Variants in WWOX observed in about 807,000 individuals in gnomAD.
WWOX encodes WW domain containing oxidoreductase.
A neutral mutation model predicts 46.2 loss-of-function variants in WWOX; 69 were observed. The ratio of observed to expected loss-of-function variants is 1.49; its 90% confidence interval spans 1.23 to 1.82. The LOEUF (loss-of-function observed/expected upper bound fraction) is 1.82. Ranked by LOEUF, WWOX falls within the 40% of genes most tolerant of loss-of-function variation. The pLI is 0.00. For synonymous variants in WWOX, 359 were observed against 202.6 expected, an observed-to-expected ratio of 1.77 and a Z score of -6.56; for missense variants, 919 against 542.6, an observed-to-expected ratio of 1.69 and a Z score of -6.89.
intron 8 of WWOX, among the ~76,000 whole-genome samples, chr16:79,154,213 A>G (rs1391497834): frequency 6.6e-6 from 1 of 152,230 alleles, no homozygotes; most frequent in Non-Finnish European, 1.5e-5. Context: ...CTTTTAATTT[A>G]GTCTAGTGCA....
At chr16:78,494,784 G>A (rs1216692381) in intron 8 of WWOX, among the ~76,000 whole-genome samples, 1 of 152,156 alleles carries the variant, frequency 6.6e-6, no homozygotes, top group Non-Finnish European at 1.5e-5. Flanking sequence ...CATCTTTATG[G>A]TATGGCTTTT....
chr16:78,836,796 C>G (rs1321469391), intron 8 of WWOX, among the ~76,000 whole-genome samples: 1 of 152,130 alleles, frequency 6.6e-6, no homozygotes, highest in Non-Finnish European at 1.5e-5. Flanking sequence ...ATTCTATACA[C>G]CAAAAGCCCC....
chr16:78,337,612 C>T lies in WWOX; in HGVS notation c.517-49248C>T, dbSNP rs192321812. On this transcript the variant is annotated intron_variant, in intron 5 of 8. Coordinates refer to ENST00000566780, the MANE Select transcript of WWOX (RefSeq NM_016373.4). The stretch of plus-strand genomic sequence containing the variant: ...GTGAAACCATTCCAATTTCATACAG[C>T]GTAGTTTCACGCCTCTAAAAGTCCC... 7.9e-5 allele frequency among the ~76,000 whole-genome samples: 12 copies of T among 152,188 alleles called. No homozygotes were observed. In the East Asian group the frequency reaches 9.7e-4, roughly 12 times the overall value.
intron 7 of WWOX, among the ~76,000 whole-genome samples, chr16:78,430,078 T>G (rs189305703): frequency 3.6e-4 from 55 of 152,202 alleles, no homozygotes; most frequent in African/African-American, 1.3e-3. Flanking sequence ...GGGCTCACAG[T>G]TACACATGGC....
rs186952684 is a variant in WWOX at position 78,935,317 on chromosome 16, C to A, written c.1057-276291C>A. 9.5e-4 allele frequency among the ~76,000 whole-genome samples: 144 copies of A among 152,112 alleles called. 1 individual carries two copies. The highest frequency in any genetic ancestry group is 1.8e-3 in the Non-Finnish European group (123 of 68,014). On this transcript the variant is annotated intron_variant, in intron 8 of 8. Transcript: ENST00000566780. ...GACACATGCACATGTATGTTTATTG[C>A]GGCACTATTCACAATAGCAAAGACT... is the stretch of plus-strand genomic sequence containing the variant.
chr16:79,204,749 T>C (rs934011431), intron 8 of WWOX: 2 of 152,216 alleles, frequency 1.3e-5, no homozygotes, highest in Non-Finnish European at 2.9e-5. Flanking sequence ...AACATGGCTT[T>C]GGACGCCTTT....
chr16:78,115,187 A>G (rs2032717702), intron 4 of WWOX, 33 bp downstream of exon 4: 1 of 1,613,108 alleles, frequency 6.2e-7, no homozygotes, highest in Non-Finnish European at 8.5e-7. Flanking sequence ...TATCTTTGGG[A>G]CTGCTATAAT....
intron 5 of WWOX, among the ~76,000 whole-genome samples, chr16:78,253,052 G>A (rs1039226325): frequency 1.3e-5 from 2 of 152,060 alleles, no homozygotes; most frequent in Non-Finnish European, 2.9e-5. Flanking sequence ...TGTTTAGATC[G>A]GAACAATTGT....
intron 8 of WWOX, among the ~76,000 whole-genome samples, chr16:78,851,187 C>T (rs181362315): frequency 6.6e-6 from 1 of 152,270 alleles, no homozygotes; most frequent in Admixed American, 6.5e-5. Context: ...TTTGTGAGCC[C>T]ACTAAGAGTA....
intron 5 of WWOX, among the ~76,000 whole-genome samples, chr16:78,199,071 T>G (rs554362394): frequency 6.6e-6 from 1 of 152,218 alleles, no homozygotes; most frequent in African/African-American, 2.4e-5. Context: ...CATCCCACTT[T>G]GGGAGGCTGA....
intron 8 of WWOX, among the ~76,000 whole-genome samples, chr16:78,947,446 A>G (rs1290365161): frequency 6.6e-6 from 1 of 152,150 alleles, no homozygotes; most frequent in Non-Finnish European, 1.5e-5. Flanking sequence ...AACTGAGATG[A>G]AAGGAGTGAG....
chr16:78,112,774 G>A (rs373463739), intron 3 of WWOX, among the ~76,000 whole-genome samples: 14 of 148,170 alleles, frequency 9.4e-5, no homozygotes, highest in South Asian at 2.1e-4. Flanking sequence ...GTCACAGCTC[G>A]CTGCAGCCTC....
intron 5 of WWOX, among the ~76,000 whole-genome samples, chr16:78,278,121 T>C (rs777650309): frequency 2.6e-5 from 4 of 152,316 alleles, no homozygotes; most frequent in Non-Finnish European, 4.4e-5. Flanking sequence ...CAGGATCTCA[T>C]TGGCGGTTTG....
chr16:79,029,071 C>G (rs1420342779), intron 8 of WWOX, among the ~76,000 whole-genome samples: 1 of 148,944 alleles, frequency 6.7e-6, no homozygotes, highest in African/African-American at 2.6e-5. Flanking sequence ...AACATGTTTT[C>G]TCAATGGTCC....
At chr16:78,358,830 C>T (rs1597094584) in intron 5 of WWOX, among the ~76,000 whole-genome samples, 1 of 141,104 alleles carries the variant, frequency 7.1e-6, no homozygotes, top group African/African-American at 2.6e-5. Context: ...TTTTAAAATT[C>T]AAATATATTT....
chr16:78,830,348 C>T (rs2051784277), intron 8 of WWOX, among the ~76,000 whole-genome samples: 1 of 152,042 alleles, frequency 6.6e-6, no homozygotes, highest in African/African-American at 2.4e-5. Flanking sequence ...TACATATTAT[C>T]ATAATGCCTA....
intron 8 of WWOX, among the ~76,000 whole-genome samples, chr16:78,912,948 G>T (rs1486260460): frequency 6.6e-6 from 1 of 152,008 alleles, no homozygotes; most frequent in African/African-American, 2.4e-5. Flanking sequence ...GGGTCGAACG[G>T]TCCATTCTGA....
At chr16:79,156,121 A>G (rs553014822) in intron 8 of WWOX, among the ~76,000 whole-genome samples, 6 of 152,254 alleles carry the variant, frequency 3.9e-5, no homozygotes, top group African/African-American at 1.4e-4. Flanking sequence ...ATCTGTTACT[A>G]CTAACAGTGC....
chr16:78,590,376 T>C (rs2045323756), intron 8 of WWOX, among the ~76,000 whole-genome samples: 1 of 152,096 alleles, frequency 6.6e-6, no homozygotes, highest in Non-Finnish European at 1.5e-5. Context: ...GTTATAGTAT[T>C]AAGGAAGACA....
Sources: gnomAD v4.1 joint callset for allele counts (sites outside exome capture counted in the v4.1 genomes callset) on GRCh38, gnomAD v4.1.1 for gene constraint, MANE v1.5 for transcripts, NCBI Gene and HGNC (gene_info 2026-07-23, HGNC 2026-07-21) for gene names.